GRIP1: variants seen among roughly 807,000 people sequenced by gnomAD.
GRIP1 encodes the protein glutamate receptor interacting protein 1.
In GRIP1, 45 loss-of-function variants were observed where a neutral mutation model predicts 129.9. That is an observed-to-expected ratio of 0.35 (90% CI 0.27 to 0.44). The LOEUF is 0.44. Among genes scored for constraint, GRIP1 ranks in the 20% least tolerant of loss-of-function variants. The probability of loss-of-function intolerance (pLI) is 1.00; values close to 1 mark genes in which losing one functional copy is unlikely to be tolerated. For missense variants in GRIP1, 1,196 were observed against 1,396.8 expected (o/e 0.86, Z 2.29); for synonymous variants, 530 against 520.8 (o/e 1.02, Z -0.24).
intron 1 of GRIP1, among the ~76,000 whole-genome samples, chr12:66,689,113 A>T (rs973676232): frequency 6.6e-6 from 1 of 152,218 alleles, no homozygotes; most frequent in African/African-American, 2.4e-5. Flanking sequence ...TGACCAGACG[A>T]CCAAATTGAG....
At chr12:66,951,486 G>A (rs777330345) in intron 1 of GRIP1, among the ~76,000 whole-genome samples, 13 of 152,190 alleles carry the variant, frequency 8.5e-5, no homozygotes, top group Non-Finnish European at 1.6e-4. Flanking sequence ...CTTGTGACAT[G>A]AGGTTGGAGG....
At chr12:66,530,172 G>A (rs981514061) in intron 4 of GRIP1, among the ~76,000 whole-genome samples, 7 of 152,118 alleles carry the variant, frequency 4.6e-5, no homozygotes, top group Non-Finnish European at 1.0e-4. Context: ...TATATAGTTC[G>A]TTTCTAGATA....
intron 7 of GRIP1, among the ~76,000 whole-genome samples, chr12:66,492,081 G>C (rs1033568909): frequency 2.6e-5 from 4 of 152,002 alleles, no homozygotes; most frequent in African/African-American, 9.7e-5. Context: ...GACTGGGAAG[G>C]AACAGTCAGT....
At chr12:66,462,209 C>G (rs2059155672) in intron 9 of GRIP1, among the ~76,000 whole-genome samples, 1 of 152,106 alleles carries the variant, frequency 6.6e-6, no homozygotes, top group Admixed American at 6.5e-5. Flanking sequence ...TGTTCTCTAT[C>G]CTAAGAAAAA....
At chr12:66,795,060 A>G (rs555125837) in intron 1 of GRIP1, among the ~76,000 whole-genome samples, 30 of 152,334 alleles carry the variant, frequency 2.0e-4, no homozygotes, top group African/African-American at 7.2e-4. Context: ...GCAGGGTGAA[A>G]TGTACTGAGC....
intron 1 of GRIP1, among the ~76,000 whole-genome samples, chr12:66,713,556 C>A (rs63449761): frequency 7.0e-6 from 1 of 143,536 alleles, no homozygotes; most frequent in African/African-American, 2.6e-5. Flanking sequence ...TTGAACCCCC[C>A]ATTCTTGGTG....
intron 2 of GRIP1, among the ~76,000 whole-genome samples, chr12:66,578,424 G>A (rs563986914): frequency 1.1e-3 from 172 of 150,920 alleles, no homozygotes; most frequent in African/African-American, 4.1e-3. Context: ...TGGGTGCAGC[G>A]CACCGTGCGC....
intron 1 of GRIP1, among the ~76,000 whole-genome samples, chr12:66,723,388 T>C (rs557482629): frequency 2.1e-4 from 31 of 146,252 alleles, no homozygotes; most frequent in Admixed American, 6.9e-4. Flanking sequence ...TAGCAGCTCA[T>C]TGCAACCTCC....
intron 9 of GRIP1, among the ~76,000 whole-genome samples, chr12:66,461,402 T>C (rs1192053971): frequency 6.6e-6 from 1 of 152,206 alleles, no homozygotes; most frequent in Non-Finnish European, 1.5e-5. Flanking sequence ...CCGATTAATT[T>C]AAAGAAACTT....
At chr12:66,898,894 C>T (rs1004602037) in intron 1 of GRIP1, among the ~76,000 whole-genome samples, 4 of 152,014 alleles carry the variant, frequency 2.6e-5, no homozygotes, top group Non-Finnish European at 5.9e-5. Context: ...AGTTGTTGAA[C>T]AGGAAAGTTT....
chr12:66,645,013 T>A (rs1304479615), intron 1 of GRIP1, among the ~76,000 whole-genome samples: 2 of 152,208 alleles, frequency 1.3e-5, no homozygotes, highest in East Asian at 3.8e-4. Context: ...AATGAGTTAT[T>A]ATTAGAGGAA....
chr12:66,661,477 GGA>G (rs1251109022), intron 1 of GRIP1, among the ~76,000 whole-genome samples: 3 of 11,600 alleles, frequency 2.6e-4, no homozygotes, highest in Non-Finnish European at 4.5e-4. Flanking sequence ...AAAAAAAGGT[GGA>G]GGGGAGATGG....
chr12:66,439,400 A>T lies in GRIP1; in HGVS notation c.1687+5184T>A, dbSNP rs139073042. 3.9e-5 allele frequency among the ~76,000 whole-genome samples: 6 copies of T among 151,988 alleles called. No homozygotes were observed. The East Asian group carries it at 1.2e-3, about 29-fold the overall frequency. On this transcript the variant is annotated intron_variant, in intron 13 of 24. Transcript: ENST00000359742. Reference sequence around the variant, plus strand: ...ATCAGCTCCCTCATTCCTTTCTCTCACTATCCCTTTTTCTTCCTGAAGATC... The same window carrying T: ...ATCAGCTCCCTCATTCCTTTCTCTCTCTATCCCTTTTTCTTCCTGAAGATC...
chr12:66,500,265 A>T (rs2060355063), intron 7 of GRIP1, among the ~76,000 whole-genome samples: 2 of 152,336 alleles, frequency 1.3e-5, no homozygotes, highest in South Asian at 4.1e-4. Context: ...TAAGTTGCAG[A>T]GCCAGGAAAC....
intron 1 of GRIP1, among the ~76,000 whole-genome samples, chr12:66,694,781 A>G (rs1384046124): frequency 6.6e-6 from 1 of 152,212 alleles, no homozygotes; most frequent in Admixed American, 6.5e-5. Flanking sequence ...AGTCATTACT[A>G]TTCCTGAGAT....
chr12:66,827,383 TGTGTGA>T (rs2039433369), intron 1 of GRIP1, among the ~76,000 whole-genome samples: 1 of 110,098 alleles, frequency 9.1e-6, no homozygotes, highest in South Asian at 2.6e-4. Flanking sequence ...TGTGTGTGTG[TGTGTGA>T]GAGAGAGAGA....
intron 1 of GRIP1, among the ~76,000 whole-genome samples, chr12:66,810,277 G>T (rs2136949350): frequency 6.6e-6 from 1 of 152,152 alleles, no homozygotes; most frequent in Non-Finnish European, 1.5e-5. Flanking sequence ...GTTTTTATTG[G>T]CCAGGCATGG....
intron 1 of GRIP1, among the ~76,000 whole-genome samples, chr12:66,727,892 T>C (rs1044565472): frequency 1.3e-5 from 2 of 152,230 alleles, no homozygotes; most frequent in African/African-American, 2.4e-5. Context: ...GGAAAAATTC[T>C]ACATTGAGAA....
intron 4 of GRIP1, among the ~76,000 whole-genome samples, chr12:66,537,753 G>A (rs972097808): frequency 1.3e-5 from 2 of 152,064 alleles, no homozygotes; most frequent in Non-Finnish European, 2.9e-5. Context: ...CATTGTTAGT[G>A]ATGCCTTTTT....
Sources: gnomAD v4.1 joint callset for allele counts (sites outside exome capture counted in the v4.1 genomes callset) on GRCh38, gnomAD v4.1.1 for gene constraint, MANE v1.5 for transcripts, NCBI Gene and HGNC (gene_info 2026-07-23, HGNC 2026-07-21) for gene names.